C3orf33: variants seen among roughly 807,000 people sequenced by gnomAD.
C3orf33 encodes AP-1 activity suppressor.
In C3orf33, 23 loss-of-function variants were observed where a neutral mutation model predicts 28.7. The observed-to-expected ratio is 0.80, with a 90% confidence interval of 0.58 to 1.13. The LOEUF is 1.13. Ranked by LOEUF, C3orf33 falls within the 50% of genes most tolerant of loss-of-function variation. The pLI is 0.00. For missense variants in C3orf33, 327 were observed against 353.4 expected (o/e 0.93, Z 0.60); for synonymous variants, 119 against 120.5 (o/e 0.99, Z 0.08).
intron 2 of C3orf33, among the ~76,000 whole-genome samples, chr3:155,802,046 C>G (rs1369352474): frequency 6.6e-6 from 1 of 152,148 alleles, no homozygotes; most frequent in African/African-American, 2.4e-5. Flanking sequence ...GCCACCGCCC[C>G]GCCCCCTGGA....
chr3:155,785,873 C>T (rs1302049564), intron 2 of C3orf33, among the ~76,000 whole-genome samples: 30 of 151,920 alleles, frequency 2.0e-4, no homozygotes, highest in Admixed American at 2.0e-3. Flanking sequence ...ACCCTGTCTA[C>T]TAAAAAAATA....
chr3:155,787,886 A>T (rs888119814), intron 2 of C3orf33, among the ~76,000 whole-genome samples: 18 of 152,102 alleles, frequency 1.2e-4, no homozygotes, highest in African/African-American at 4.3e-4. Flanking sequence ...AGAATGATCC[A>T]ACATATAAAA....
chr3:155,783,745 G>A (rs747302079), intron 2 of C3orf33, among the ~76,000 whole-genome samples: 6 of 152,110 alleles, frequency 3.9e-5, no homozygotes, highest in Non-Finnish European at 8.8e-5. Context: ...AGCATTACAG[G>A]CATAAGCCAC....
chr3:155,802,280 CT>C (rs1303363198), intron 2 of C3orf33, among the ~76,000 whole-genome samples: 1 of 152,072 alleles, frequency 6.6e-6, no homozygotes, highest in African/African-American at 2.4e-5. Flanking sequence ...AAACTAAATC[CT>C]TTTCAGATTC....
At chr3:155,788,597 G>A (rs1474745881) in intron 2 of C3orf33, among the ~76,000 whole-genome samples, 2 of 151,422 alleles carry the variant, frequency 1.3e-5, no homozygotes, top group African/African-American at 2.4e-5. Flanking sequence ...CAGGAGAATT[G>A]CTTGAACCCG....
chr3:155,773,783 A>G (rs1312510518), intron 3 of C3orf33, among the ~76,000 whole-genome samples: 2 of 152,210 alleles, frequency 1.3e-5, no homozygotes, highest in Non-Finnish European at 2.9e-5. Flanking sequence ...CTAACGAGTC[A>G]TTACTATCAG....
chr3:155,788,853 G>T (rs1317928125), intron 2 of C3orf33, among the ~76,000 whole-genome samples: 1 of 152,024 alleles, frequency 6.6e-6, no homozygotes, highest in Non-Finnish European at 1.5e-5. Flanking sequence ...AGACAAGAGA[G>T]AAAAAAGGCA....
chr3:155,781,309 T>G (rs776591944), intron 2 of C3orf33, among the ~76,000 whole-genome samples: 5 of 152,078 alleles, frequency 3.3e-5, no homozygotes, highest in Non-Finnish European at 7.3e-5. Context: ...CCTTACATGG[T>G]GAAGCTGCTG....
At chr3:155,779,364 G>A (rs550573164) in intron 2 of C3orf33, among the ~76,000 whole-genome samples, 6 of 152,054 alleles carry the variant, frequency 3.9e-5, no homozygotes, top group South Asian at 4.2e-4. Flanking sequence ...GCATGATCTC[G>A]GCTCACTACA....
intron 2 of C3orf33, among the ~76,000 whole-genome samples, chr3:155,778,141 CAA>C (rs55700532): frequency 0.023 from 1,725 of 75,652 alleles, 13 homozygotes; most frequent in African/African-American, 0.086. Context: ...AACTCCATTT[CAA>C]AAAAAAAAAA....
At chr3:155,768,120 T>TC (rs1164595167) in intron 3 of C3orf33, among the ~76,000 whole-genome samples, 3 of 152,190 alleles carry the variant, frequency 2.0e-5, no homozygotes, top group Non-Finnish European at 4.4e-5. Flanking sequence ...CCTCAAGTGA[T>TC]CCACCCACCT....
chr3:155,796,499 TAA>T (rs1196322861), intron 2 of C3orf33, among the ~76,000 whole-genome samples: 3 of 151,954 alleles, frequency 2.0e-5, no homozygotes, highest in Non-Finnish European at 4.4e-5. Flanking sequence ...AAAGCCATAA[TAA>T]AAAGTAATGA....
chr3:155,778,020 C>A (rs1262933601), intron 2 of C3orf33, among the ~76,000 whole-genome samples: 1 of 151,200 alleles, frequency 6.6e-6, no homozygotes, highest in African/African-American at 2.4e-5. Context: ...CATGGTGGTG[C>A]GTACTTGTAG....
intron 3 of C3orf33, among the ~76,000 whole-genome samples, chr3:155,773,709 C>T (rs1170739209): frequency 6.6e-6 from 1 of 152,178 alleles, no homozygotes; most frequent in African/African-American, 2.4e-5. Flanking sequence ...TATGGAATAT[C>T]ACCCCTGTAG....
intron 3 of C3orf33, among the ~76,000 whole-genome samples, chr3:155,770,993 TTGAGACATA>T (rs1559988869): frequency 2.9e-5 from 4 of 140,056 alleles, no homozygotes; most frequent in Non-Finnish European, 4.7e-5. Context: ...TGTGTGTGTG[TTGAGACATA>T]GTTTTGCTCT....
At chr3:155,785,633 T>C (rs1751077557) in intron 2 of C3orf33, among the ~76,000 whole-genome samples, 4 of 152,096 alleles carry the variant, frequency 2.6e-5, no homozygotes, top group Non-Finnish European at 5.9e-5. Flanking sequence ...AATTTAAAAG[T>C]ACTTAGAGAC....
chr3:155,806,193 G>A lies in C3orf33; in HGVS notation c.60C>T (p.Pro20=). 6.6e-7 allele frequency: 1 copy of A among 1,504,120 alleles called. No homozygotes were observed. The highest frequency in any genetic ancestry group is 8.9e-7 in the Non-Finnish European group (1 of 1,128,068). The allele number at this position is 1,504,120 out of a possible 1,614,324, so 93.2% of individuals were successfully genotyped here. Reference sequence around the variant, plus strand: ...ACTGCGAGATCCGAGCCACGACGTTGGGCTCCATTCCGTCCTTGTCGGCAG... The same window carrying A: ...ACTGCGAGATCCGAGCCACGACGTTAGGCTCCATTCCGTCCTTGTCGGCAG... ...SPSADKDGME[P]NVVARISQWA... The change falls in exon 1 of 5, where the codon CCC becomes CCT. Residue 20 remains proline (P), a synonymous_variant. Transcript: ENST00000340171.
intron 2 of C3orf33, among the ~76,000 whole-genome samples, chr3:155,791,293 C>T (rs1377755857): frequency 6.6e-6 from 1 of 152,076 alleles, no homozygotes; most frequent in Non-Finnish European, 1.5e-5. Context: ...GACTCTAGAG[C>T]CCTTGGGTCT....
intron 2 of C3orf33, among the ~76,000 whole-genome samples, chr3:155,801,076 A>T (rs1751633109): frequency 6.6e-6 from 1 of 152,062 alleles, no homozygotes; most frequent in South Asian, 2.1e-4. Flanking sequence ...ACTTTGGAAG[A>T]CCAAGGCCGG....
Sources: gnomAD v4.1 joint callset for allele counts (sites outside exome capture counted in the v4.1 genomes callset) on GRCh38, gnomAD v4.1.1 for gene constraint, MANE v1.5 for transcripts, NCBI Gene and HGNC (gene_info 2026-07-23, HGNC 2026-07-21) for gene names.